Variants in PLCB4 observed in about 807,000 individuals in gnomAD.
PLCB4 encodes the protein 1-phosphatidylinositol 4,5-bisphosphate phosphodiesterase beta-4.
A neutral mutation model predicts 178.8 loss-of-function variants in PLCB4; 77 were observed. That is an observed-to-expected ratio of 0.43 (90% confidence interval 0.36 to 0.52). PLCB4 has a LOEUF of 0.52. Among genes scored for constraint, PLCB4 ranks in the 20% least tolerant of loss-of-function variants. The probability of loss-of-function intolerance (pLI) is 0.00; values close to 1 mark genes in which losing one functional copy is unlikely to be tolerated. For missense variants in PLCB4, 1,024 were observed against 1,453.4 expected (o/e 0.70, Z 4.80); for synonymous variants, 496 against 490.8 (o/e 1.01, Z -0.14).
At chr20:9,422,136 C>G (rs535487505) in intron 27 of PLCB4, among the ~76,000 whole-genome samples, 1 of 152,372 alleles carries the variant, frequency 6.6e-6, no homozygotes, top group Non-Finnish European at 1.5e-5. Context: ...TCCTTTCTTA[C>G]TTACTCTGTT....
chr20:9,239,330 C>T (rs903091112), intron 3 of PLCB4, among the ~76,000 whole-genome samples: 1 of 152,108 alleles, frequency 6.6e-6, no homozygotes, highest in African/African-American at 2.4e-5. Context: ...ATAGCTTTCC[C>T]ATGTCAGTAT....
intron 3 of PLCB4, among the ~76,000 whole-genome samples, chr20:9,300,953 T>G (rs1000173470): frequency 5.3e-5 from 8 of 152,094 alleles, no homozygotes; most frequent in African/African-American, 1.9e-4. Context: ...CAAGGTATTT[T>G]CAGGGCCACA....
intron 2 of PLCB4, among the ~76,000 whole-genome samples, chr20:9,179,782 T>G (rs2093216211): frequency 6.6e-6 from 1 of 152,198 alleles, no homozygotes; most frequent in Non-Finnish European, 1.5e-5. Flanking sequence ...CTTGCTTGTT[T>G]TCATTTCTCT....
chr20:9,108,891 G>C, intron 2 of PLCB4, among the ~76,000 whole-genome samples: 1 of 114,204 alleles, frequency 8.8e-6, no homozygotes, highest in Non-Finnish European at 1.7e-5. Flanking sequence ...GAGAGGAAGA[G>C]AGAAAACAAG....
At chr20:9,154,876 C>T (rs2092756114) in intron 2 of PLCB4, among the ~76,000 whole-genome samples, 1 of 133,832 alleles carries the variant, frequency 7.5e-6, no homozygotes, top group African/African-American at 2.9e-5. Flanking sequence ...CCCTTCCTTC[C>T]TTCTTTCCTT....
At chr20:9,072,943 A>G (rs770479844) in intron 1 of PLCB4, among the ~76,000 whole-genome samples, 1 of 152,138 alleles carries the variant, frequency 6.6e-6, no homozygotes, top group Non-Finnish European at 1.5e-5. Context: ...CTTACTCACT[A>G]CTTATAAAAC....
intron 2 of PLCB4, among the ~76,000 whole-genome samples, chr20:9,114,708 G>C (rs1283174571): frequency 6.6e-6 from 1 of 152,122 alleles, no homozygotes; most frequent in Non-Finnish European, 1.5e-5. Context: ...GTTGTTGTCA[G>C]CACTCTTCCC....
intron 17 of PLCB4, among the ~76,000 whole-genome samples, chr20:9,393,232 C>T (rs1169707386): frequency 6.6e-6 from 1 of 152,146 alleles, no homozygotes; most frequent in African/African-American, 2.4e-5. Context: ...CTGAACCCAG[C>T]CATCACAATT....
At chr20:9,409,909 C>T (rs543958064) in intron 24 of PLCB4, among the ~76,000 whole-genome samples, 1 of 152,252 alleles carries the variant, frequency 6.6e-6, no homozygotes, top group South Asian at 2.1e-4. Flanking sequence ...ATGCCACAAA[C>T]CCTCTTCACT....
intron 4 of PLCB4, among the ~76,000 whole-genome samples, chr20:9,319,443 G>A (rs1376366913): frequency 6.6e-6 from 1 of 152,132 alleles, no homozygotes; most frequent in African/African-American, 2.4e-5. Flanking sequence ...AGATATATAG[G>A]TAGGAAGAGA....
chr20:9,140,971 G>T (rs1044200813), intron 2 of PLCB4, among the ~76,000 whole-genome samples: 2 of 152,066 alleles, frequency 1.3e-5, no homozygotes, highest in African/African-American at 4.8e-5. Context: ...GGAATATAAG[G>T]ACATAGTTTA....
chr20:9,207,008 C>T (rs11905278), intron 2 of PLCB4, among the ~76,000 whole-genome samples: 14,703 of 151,928 alleles, frequency 0.097, 1,057 homozygotes, highest in African/African-American at 0.2. Context: ...CCCAGCTACT[C>T]GGGAGGCTGA....
intron 7 of PLCB4, among the ~76,000 whole-genome samples, chr20:9,344,734 A>G (rs1040777286): frequency 1.3e-5 from 2 of 152,182 alleles, no homozygotes; most frequent in Non-Finnish European, 2.9e-5. Context: ...ACATTTCAGG[A>G]TGTAATAGCG....
intron 2 of PLCB4, among the ~76,000 whole-genome samples, chr20:9,148,454 G>A (rs574042518): frequency 2.5e-4 from 38 of 152,244 alleles, no homozygotes; most frequent in Non-Finnish European, 4.6e-4. Flanking sequence ...TAAGCATTGA[G>A]TGATTACTGA....
intron 1 of PLCB4, among the ~76,000 whole-genome samples, chr20:9,080,341 G>A (rs2090084444): frequency 6.6e-6 from 1 of 152,074 alleles, no homozygotes; most frequent in African/African-American, 2.4e-5. Context: ...ACTGCTATAA[G>A]GTATATCAGA....
Position 9,098,763 on chromosome 20 carries a change from G to GTGTGTA in PLCB4, c.-79+2422_-79+2423insGTGTAT, listed in dbSNP as rs1283771888. ...TATATGTGTGTGTGTGTGTGTGTGT[G>GTGTGTA]TATATATATATGAGACTATTTAATA... On this transcript the variant is annotated intron_variant, in intron 2 of 39. Transcript: ENST00000378473. 7.0e-3 allele frequency among the ~76,000 whole-genome samples: 1,035 copies of GTGTGTA among 146,812 alleles called. 12 individuals carry two copies. The highest frequency in any genetic ancestry group is 0.025 in the African/African-American group (977 of 39,518).
At chr20:9,249,545 G>C (rs910799914) in intron 3 of PLCB4, among the ~76,000 whole-genome samples, 1 of 152,076 alleles carries the variant, frequency 6.6e-6, no homozygotes, top group African/African-American at 2.4e-5. Context: ...CGAGCTCCTG[G>C]CTTCAAGCGT....
At chr20:9,419,696 C>A in intron 25 of PLCB4, 111 bp from the exon 26 acceptor site, 2 of 758,794 alleles carry the variant, frequency 2.6e-6, no homozygotes, top group Admixed American at 1.8e-5. Context: ...TGCCTAAAAT[C>A]CTAGCTCCTG....
chr20:9,138,880 C>T (rs1175096097), intron 2 of PLCB4, among the ~76,000 whole-genome samples: 1 of 152,032 alleles, frequency 6.6e-6, no homozygotes, highest in African/African-American at 2.4e-5. Context: ...GTGCTGCTTA[C>T]TAAGTAGGAA....
Sources: gnomAD v4.1 joint callset for allele counts (sites outside exome capture counted in the v4.1 genomes callset) on GRCh38, gnomAD v4.1.1 for gene constraint, MANE v1.5 for transcripts, NCBI Gene and HGNC (gene_info 2026-07-23, HGNC 2026-07-21) for gene names.